The following F5 variants were observed in gnomAD, a reference collection of about 807,000 sequenced individuals.
F5 encodes coagulation factor V.
In F5, 138 loss-of-function variants were observed where a neutral mutation model predicts 216.4. That is an observed-to-expected ratio of 0.64 (90% CI 0.56 to 0.73). The LOEUF (loss-of-function observed/expected upper bound fraction) is 0.73. F5 is among the 30% of genes least tolerant of loss of function. The pLI, the probability that F5 is intolerant of heterozygous loss-of-function variation, is 0.00. For missense variants in F5, 2,403 were observed against 2,674.0 expected, an observed-to-expected ratio of 0.90 and a Z score of 2.24; for synonymous variants, 916 against 930.7, an observed-to-expected ratio of 0.98 and a Z score of 0.29.
chr1:169,531,429 G>T (rs1389282532), intron 14 of F5, among the ~76,000 whole-genome samples: 2 of 152,174 alleles, frequency 1.3e-5, no homozygotes, highest in Non-Finnish European at 2.9e-5. Flanking sequence ...AAGTCTAAGT[G>T]GGTTCAGATG....
chr1:169,523,288 T>C lies in F5; in HGVS notation c.5957A>G (p.Lys1986Arg). The C allele has an allele frequency of 6.2e-7, 1 of 1,614,106 alleles. No individual in the cohort carries two copies. The highest frequency in any genetic ancestry group is 1.1e-5 in the South Asian group (1 of 91,086). The change falls in exon 21 of 25, where the codon AAG becomes AGG. Residue 1986 changes from lysine to arginine, a missense_variant. Around this residue, in one of 4 missense-constraint regions of F5, gnomAD observed 659 missense variants for 787.9 expected, o/e 0.84. Transcript: ENST00000367797. The part of the protein sequence containing the change: ...IQTQGAKHYL[K>R]SCYTTEFYVA... Reference sequence around the variant, plus strand: ...ATAGAACTCTGTGGTATAGCAGGACTTCAGGTAGTGTTTGGCACCTTGGGT... The same window carrying C: ...ATAGAACTCTGTGGTATAGCAGGACCTCAGGTAGTGTTTGGCACCTTGGGT...
intron 21 of F5, among the ~76,000 whole-genome samples, chr1:169,521,360 G>A (rs1178228051): frequency 6.6e-6 from 1 of 152,134 alleles, no homozygotes; most frequent in Non-Finnish European, 1.5e-5. Context: ...CAGTATCAGT[G>A]GAGGCCAAAT....
intron 23 of F5, among the ~76,000 whole-genome samples, chr1:169,515,951 T>A (rs1245292189): frequency 6.6e-6 from 1 of 152,186 alleles, no homozygotes; most frequent in Non-Finnish European, 1.5e-5. Context: ...AATAAATAGT[T>A]GTTGAATAAA....
chr1:169,529,362 T>C (rs1659535843), intron 16 of F5, among the ~76,000 whole-genome samples: 1 of 152,174 alleles, frequency 6.6e-6, no homozygotes. Flanking sequence ...GTTGTTGTGG[T>C]TTTCTGTTGG....
chr1:169,572,582 G>C (rs1660750964), intron 2 of F5, among the ~76,000 whole-genome samples: 1 of 152,218 alleles, frequency 6.6e-6, no homozygotes, highest in Non-Finnish European at 1.5e-5. Context: ...GAAGTCAACA[G>C]AGTAGGAGAA....
chr1:169,572,510 C>T (rs1278456523), intron 2 of F5, among the ~76,000 whole-genome samples, 167 bp from the exon 3 acceptor site: 1 of 152,184 alleles, frequency 6.6e-6, no homozygotes, highest in Non-Finnish European at 1.5e-5. Flanking sequence ...AGCTCATTAA[C>T]TCAACATTAC....
chr1:169,585,347 T>C (rs1186876224), intron 1 of F5, among the ~76,000 whole-genome samples: 1 of 152,166 alleles, frequency 6.6e-6, no homozygotes, highest in Non-Finnish European at 1.5e-5. Flanking sequence ...TTTGTAATTG[T>C]AAAAGAGGAA....
chr1:169,539,740 C>T (rs796902407), intron 13 of F5, among the ~76,000 whole-genome samples: 10 of 152,308 alleles, frequency 6.6e-5, no homozygotes, highest in African/African-American at 2.2e-4. Context: ...CTAAGCCTTG[C>T]TCCTTTCCTC....
At chr1:169,528,415 T>C (rs2101810015) in intron 16 of F5, among the ~76,000 whole-genome samples, 1 of 152,314 alleles carries the variant, frequency 6.6e-6, no homozygotes, top group African/African-American at 2.4e-5. Context: ...ACAGTCTTAA[T>C]TTTCCTTAAC....
At chr1:169,527,403 AC>A (rs1462348433) in intron 17 of F5, among the ~76,000 whole-genome samples, 3 of 152,206 alleles carry the variant, frequency 2.0e-5, no homozygotes, top group African/African-American at 4.8e-5. Context: ...AGTTCTAAAT[AC>A]CTTTGTTATT....
At chr1:169,519,252 A>T (rs1659230094) in intron 22 of F5, among the ~76,000 whole-genome samples, 1 of 152,208 alleles carries the variant, frequency 6.6e-6, no homozygotes, top group Non-Finnish European at 1.5e-5. Context: ...TGAAAAAAAC[A>T]AAGGGTCCTA....
At chr1:169,549,743 T>C in intron 10 of F5, 58 bp downstream of exon 10, 1 of 1,325,038 alleles carries the variant, frequency 7.5e-7, no homozygotes, top group African/African-American at 1.5e-5. Flanking sequence ...AGACCTAACA[T>C]GTTCTAGCCA....
At chr1:169,543,147 G>C in intron 12 of F5, 33 bp from the exon 13 acceptor site, 1 of 1,589,312 alleles carries the variant, frequency 6.3e-7, no homozygotes. Context: ...AGAGAGATCT[G>C]GAAGTCTGGG....
intron 19 of F5, among the ~76,000 whole-genome samples, chr1:169,524,336 T>A (rs1042635841): frequency 2.6e-5 from 4 of 152,170 alleles, no homozygotes; most frequent in African/African-American, 7.2e-5. Context: ...TCTGAATAGA[T>A]GAATGGTTGC....
Position 169,513,461 on chromosome 1 carries a change from G to A in F5, c.*852C>T, listed in dbSNP as rs1278280904. On this transcript the variant is annotated 3_prime_UTR_variant, in exon 25 of 25. Coordinates refer to ENST00000367797, the MANE Select transcript of F5 (RefSeq NM_000130.5). Reference sequence around the variant, plus strand: ...GAGAGGAGGAAGTTGAGGCCATAGAGAGGAAGGCCCTGAAAGAAAACTTTA... The same window carrying A: ...GAGAGGAGGAAGTTGAGGCCATAGAAAGGAAGGCCCTGAAAGAAAACTTTA... Among the ~76,000 whole-genome samples the A allele has an allele frequency of 2.0e-5, 3 of 152,132 alleles. No individual in the cohort carries two copies. The highest frequency in any genetic ancestry group is 2.0e-4 in the Admixed American group (3 of 15,246).
At chr1:169,546,947 T>C (rs1660018847) in intron 10 of F5, among the ~76,000 whole-genome samples, 1 of 136,424 alleles carries the variant, frequency 7.3e-6, no homozygotes, top group Non-Finnish European at 1.6e-5. Flanking sequence ...CTGGTCAACA[T>C]GGCAAAACCC....
At chr1:169,534,168 A>G (rs908605511) in intron 14 of F5, among the ~76,000 whole-genome samples, 2 of 152,066 alleles carry the variant, frequency 1.3e-5, no homozygotes, top group African/African-American at 4.8e-5. Context: ...ACTCACGTGG[A>G]CCCTCTTAGA....
intron 13 of F5, among the ~76,000 whole-genome samples, chr1:169,538,426 T>A (rs1192874870): frequency 2.0e-5 from 3 of 152,230 alleles, no homozygotes; most frequent in African/African-American, 4.8e-5. Flanking sequence ...CTGTAGTTAA[T>A]AACAACACAC....
chr1:169,564,709 T>G (rs1481483751), intron 3 of F5, among the ~76,000 whole-genome samples: 1 of 152,092 alleles, frequency 6.6e-6, no homozygotes, highest in Non-Finnish European at 1.5e-5. Flanking sequence ...ATTGTACCTT[T>G]CCCCATCCCA....
Sources: allele counts gnomAD v4.1 joint callset (sites outside exome capture counted in the v4.1 genomes callset), GRCh38; gene constraint gnomAD v4.1.1; regional missense constraint gnomAD v4.1.1; transcripts MANE v1.5; gene names NCBI Gene and HGNC (gene_info 2026-07-23, HGNC 2026-07-21).